The following GABRA4 variants were observed in gnomAD, a reference collection of about 807,000 sequenced individuals.
The protein encoded by GABRA4 is gamma-aminobutyric acid type A receptor subunit alpha4.
GABRA4 carries 12 observed loss-of-function variants against 49.7 expected under a neutral mutation model. The ratio of observed to expected loss-of-function variants is 0.24; its 90% CI spans 0.15 to 0.39. GABRA4 has a LOEUF of 0.39. Ranked by LOEUF, GABRA4 falls within the 10% of genes least tolerant of loss-of-function variation. The pLI, the probability that GABRA4 is intolerant of heterozygous loss-of-function variation, is 1.00. For synonymous variants in GABRA4, 288 were observed against 240.2 expected (o/e 1.20, Z -1.84); for missense variants, 506 against 686.0 (o/e 0.74, Z 2.93).
At chr4:46,936,609 C>T (rs1721611597) in intron 8 of GABRA4, among the ~76,000 whole-genome samples, 2 of 152,104 alleles carry the variant, frequency 1.3e-5, no homozygotes, top group South Asian at 4.1e-4. Context: ...AAGTGGTCAT[C>T]AGGGAAACAG....
chr4:46,980,234 G>A (rs1473360075), intron 2 of GABRA4, among the ~76,000 whole-genome samples: 1 of 151,946 alleles, frequency 6.6e-6, no homozygotes, highest in Non-Finnish European at 1.5e-5. Context: ...TGTTGCCCTT[G>A]AACATAACTT....
At chr4:46,971,377 T>C in intron 6 of GABRA4, 142 bp from the exon 7 acceptor site, 1 of 716,844 alleles carries the variant, frequency 1.4e-6, no homozygotes, top group Non-Finnish European at 2.4e-6. Flanking sequence ...CATCAATAAG[T>C]ATGTAGTTTC....
At chr4:46,984,606 A>C in intron 2 of GABRA4, among the ~76,000 whole-genome samples, 1 of 152,080 alleles carries the variant, frequency 6.6e-6, no homozygotes, top group East Asian at 1.9e-4. Flanking sequence ...AACAAAAATA[A>C]AAATAAAATA....
intron 8 of GABRA4, among the ~76,000 whole-genome samples, chr4:46,943,868 T>C (rs1577754508): frequency 6.6e-6 from 1 of 152,120 alleles, no homozygotes; most frequent in African/African-American, 2.4e-5. Flanking sequence ...TATGCATAGA[T>C]TGTGTAGTAG....
At chr4:46,982,123 T>A (rs1284201115) in intron 2 of GABRA4, among the ~76,000 whole-genome samples, 1 of 152,104 alleles carries the variant, frequency 6.6e-6, no homozygotes, top group Non-Finnish European at 1.5e-5. Context: ...TATGCTATGG[T>A]GACTGTAGTT....
chr4:46,989,591 G>T (rs1723670991), intron 2 of GABRA4, among the ~76,000 whole-genome samples: 1 of 152,132 alleles, frequency 6.6e-6, no homozygotes. Context: ...TTTCCCTATC[G>T]CAAGCTGTGC....
chr4:46,971,324 G>T, intron 6 of GABRA4, 89 bp from the exon 7 acceptor site: 3 of 1,180,702 alleles, frequency 2.5e-6, no homozygotes, highest in Non-Finnish European at 3.7e-6. Flanking sequence ...TAACAAACAG[G>T]ATTCTAAGGA....
intron 8 of GABRA4, among the ~76,000 whole-genome samples, chr4:46,930,205 T>C (rs1323722203): frequency 1.3e-5 from 2 of 152,016 alleles, no homozygotes; most frequent in African/African-American, 2.4e-5. Flanking sequence ...TAATGAGAAA[T>C]TGTAGCCTAA....
intron 7 of GABRA4, 24 bp downstream of exon 7, chr4:46,971,059 G>A (rs187158626): frequency 4.4e-6 from 7 of 1,592,282 alleles, no homozygotes; most frequent in Non-Finnish European, 5.1e-6. Context: ...GAACAAAAAC[G>A]CCCAAGAAAT....
At chr4:46,941,670 C>T (rs17641411) in intron 8 of GABRA4, among the ~76,000 whole-genome samples, 4,890 of 152,038 alleles carry the variant, frequency 0.032, 400 homozygotes, top group East Asian at 0.26. Flanking sequence ...CTTTCCACTT[C>T]GGTAAATGTT....
At chr4:46,941,376 C>T (rs1007922268) in intron 8 of GABRA4, among the ~76,000 whole-genome samples, 1 of 151,916 alleles carries the variant, frequency 6.6e-6, no homozygotes, top group Admixed American at 6.6e-5. Context: ...ACTTATTTAG[C>T]CTTCCTGTGC....
At chr4:46,990,926 C>G (rs1723719392) in intron 2 of GABRA4, among the ~76,000 whole-genome samples, 1 of 152,220 alleles carries the variant, frequency 6.6e-6, no homozygotes, top group Admixed American at 6.5e-5. Flanking sequence ...CGCCTATAAT[C>G]CCAGCACTTT....
At chr4:46,953,527 C>G (rs528386476) in intron 8 of GABRA4, among the ~76,000 whole-genome samples, 1 of 152,154 alleles carries the variant, frequency 6.6e-6, no homozygotes, top group East Asian at 1.9e-4. Context: ...CTAAAGTTTT[C>G]TAAATGTTTA....
chr4:46,948,874 C>T (rs545600723), intron 8 of GABRA4, among the ~76,000 whole-genome samples: 1 of 152,208 alleles, frequency 6.6e-6, no homozygotes, highest in East Asian at 1.9e-4. Flanking sequence ...CTCTCACCTT[C>T]ATATTTGTGA....
intron 2 of GABRA4, among the ~76,000 whole-genome samples, chr4:46,981,151 A>T (rs1359681560): frequency 1.3e-5 from 2 of 152,026 alleles, no homozygotes; most frequent in African/African-American, 2.4e-5. Flanking sequence ...ACTTTACTCT[A>T]TTTTACAGTG....
chr4:46,971,292 G>C, intron 6 of GABRA4, 57 bp from the exon 7 acceptor site: 1 of 1,486,494 alleles, frequency 6.7e-7, no homozygotes, highest in Non-Finnish European at 9.3e-7. Flanking sequence ...TTAGTCAATG[G>C]CTTCATAAAC....
At chr4:46,974,504 T>C in intron 5 of GABRA4, 129 bp from the exon 6 acceptor site, 1 of 898,522 alleles carries the variant, frequency 1.1e-6, no homozygotes, top group Non-Finnish European at 1.6e-6. Context: ...TATAATTTAG[T>C]CACTATAATT....
At chr4:46,989,502 C>T (rs1304687382) in intron 2 of GABRA4, among the ~76,000 whole-genome samples, 4 of 152,136 alleles carry the variant, frequency 2.6e-5, no homozygotes, top group Non-Finnish European at 5.9e-5. Context: ...CTTTTCTTCT[C>T]CAATGGGAGA....
intron 2 of GABRA4, among the ~76,000 whole-genome samples, chr4:46,983,306 T>A (rs1723421407): frequency 6.6e-6 from 1 of 152,138 alleles, no homozygotes; most frequent in Non-Finnish European, 1.5e-5. Flanking sequence ...AAGTATTTTC[T>A]CAAAGCGCTT....
Sources: allele counts gnomAD v4.1 joint callset (sites outside exome capture counted in the v4.1 genomes callset), GRCh38; gene constraint gnomAD v4.1.1; transcripts MANE v1.5; gene names NCBI Gene and HGNC (gene_info 2026-07-23, HGNC 2026-07-21).